The following NBEA variants were observed in gnomAD, a reference collection of about 807,000 sequenced individuals.
NBEA encodes the protein lysosomal-trafficking regulator 2.
In NBEA, 44 loss-of-function variants were observed where a neutral mutation model predicts 343.4. The observed-to-expected ratio is 0.13, with a 90% CI of 0.10 to 0.16. The LOEUF is 0.16. Among genes scored for constraint, NBEA ranks in the 10% least tolerant of loss-of-function variants. NBEA has a pLI of 1.00. For missense variants in NBEA, 2,555 were observed against 3,631.3 expected, an observed-to-expected ratio of 0.70 and a Z score of 7.62; for synonymous variants, 1,175 against 1,238.7, an observed-to-expected ratio of 0.95 and a Z score of 1.08.
In NBEA at chr13:35,645,169, A is replaced by G. The variant is rs551506992; in HGVS notation, c.7618-700A>G. 9.1e-4 allele frequency among the ~76,000 whole-genome samples: 139 copies of G among 152,328 alleles called. 2 individuals are homozygous for G. In the South Asian group the frequency reaches 0.021, roughly 23 times the overall value. On this transcript the variant is annotated intron_variant, in intron 49 of 58. Transcript: ENST00000379939. ...TGAGATTAGTGGTGGTGCTATGTCA[A>G]GAGCCATCTACCAACTCACCTGTGC... is the stretch of plus-strand genomic sequence containing the variant.
chr13:35,033,955 A>G (rs539382427), intron 1 of NBEA, among the ~76,000 whole-genome samples: 7 of 151,682 alleles, frequency 4.6e-5, no homozygotes, highest in African/African-American at 7.2e-5. Flanking sequence ...GCAAACAAGG[A>G]TAATTTGACT....
chr13:35,387,067 A>G (rs1289341847), intron 38 of NBEA, among the ~76,000 whole-genome samples: 1 of 152,128 alleles, frequency 6.6e-6, no homozygotes, highest in Non-Finnish European at 1.5e-5. Context: ...TATAAGACTA[A>G]GCTCTATCTT....
intron 2 of NBEA, 54 bp downstream of exon 2, chr13:35,041,218 T>C: frequency 1.5e-6 from 2 of 1,333,578 alleles, no homozygotes; most frequent in South Asian, 2.5e-5. Flanking sequence ...AAGTTTCACA[T>C]ACTTCTCTTT....
At chr13:35,617,300 T>C (rs945026439) in intron 48 of NBEA, among the ~76,000 whole-genome samples, 2 of 152,218 alleles carry the variant, frequency 1.3e-5, no homozygotes, top group East Asian at 3.8e-4. Context: ...AAAGGCTTTA[T>C]ACAAAATTCT....
At chr13:35,186,156 T>A (rs762935814) in intron 30 of NBEA, 4 of 152,158 alleles carry the variant, frequency 2.6e-5, no homozygotes, top group Non-Finnish European at 5.9e-5. Flanking sequence ...ATTAAAAAAT[T>A]AACCAGGCAT....
intron 41 of NBEA, chr13:35,477,246 A>G (rs2075913930): frequency 6.0e-6 from 1 of 166,408 alleles, no homozygotes; most frequent in African/African-American, 2.4e-5. Context: ...TGTTAAAATG[A>G]TTTTTTGAAA....
chr13:35,560,983 C>T (rs1048033484), intron 44 of NBEA, among the ~76,000 whole-genome samples: 6 of 152,074 alleles, frequency 3.9e-5, no homozygotes, highest in African/African-American at 1.2e-4. Flanking sequence ...TGGATTGAGC[C>T]GCAAGAAGCT....
At chr13:35,023,756 A>G (rs571243004) in intron 1 of NBEA, among the ~76,000 whole-genome samples, 10 of 152,338 alleles carry the variant, frequency 6.6e-5, no homozygotes, top group African/African-American at 1.9e-4. Flanking sequence ...TGGGCAGGTC[A>G]GATCTTGAAG....
chr13:35,322,264 A>G (rs2038207505), intron 36 of NBEA, among the ~76,000 whole-genome samples: 1 of 152,192 alleles, frequency 6.6e-6, no homozygotes, highest in Admixed American at 6.5e-5. Context: ...TGTGGGTTGC[A>G]AACACTGTGG....
intron 41 of NBEA, among the ~76,000 whole-genome samples, chr13:35,473,349 G>A (rs1251765030): frequency 6.6e-6 from 1 of 152,158 alleles, no homozygotes; most frequent in East Asian, 1.9e-4. Context: ...ATTTTGCAAA[G>A]ATCTTCCTTT....
intron 1 of NBEA, among the ~76,000 whole-genome samples, chr13:34,996,852 A>ATAT (rs1416079896): frequency 1.3e-5 from 2 of 152,162 alleles, no homozygotes; most frequent in Non-Finnish European, 2.9e-5. Context: ...ATTTAAAAAT[A>ATAT]TATGTGACGA....
At chr13:35,668,966 A>G (rs907296484) in intron 58 of NBEA, among the ~76,000 whole-genome samples, 2 of 152,218 alleles carry the variant, frequency 1.3e-5, no homozygotes, top group Non-Finnish European at 2.9e-5. Context: ...CCCTTTCAAC[A>G]GCATGCGGCA....
At chr13:35,638,569 C>T (rs935209263) in intron 49 of NBEA, among the ~76,000 whole-genome samples, 25 of 152,276 alleles carry the variant, frequency 1.6e-4, no homozygotes, top group African/African-American at 6.0e-4. Context: ...GAGCACAGGT[C>T]TATGGAGGCG....
At chr13:34,996,496 C>T (rs1254520277) in intron 1 of NBEA, among the ~76,000 whole-genome samples, 1 of 151,048 alleles carries the variant, frequency 6.6e-6, no homozygotes, top group Non-Finnish European at 1.5e-5. Flanking sequence ...ATATAATTGT[C>T]AACATGATAG....
chr13:35,319,746 A>G (rs973327653), intron 36 of NBEA, among the ~76,000 whole-genome samples: 5 of 152,122 alleles, frequency 3.3e-5, no homozygotes, highest in Non-Finnish European at 5.9e-5. Context: ...GTAAGTCTCT[A>G]AGAACTTGCT....
chr13:35,342,296 GA>G (rs2039630444), intron 36 of NBEA, among the ~76,000 whole-genome samples: 1 of 152,026 alleles, frequency 6.6e-6, no homozygotes, highest in East Asian at 1.9e-4. Flanking sequence ...ACAAGATAGT[GA>G]GTATACTAAA....
At chr13:35,515,846 T>G (rs2077466110) in intron 41 of NBEA, among the ~76,000 whole-genome samples, 1 of 152,188 alleles carries the variant, frequency 6.6e-6, no homozygotes, top group African/African-American at 2.4e-5. Context: ...TTATATCTTT[T>G]TTAATTACCT....
chr13:35,568,975 T>C (rs1386201509), intron 45 of NBEA, among the ~76,000 whole-genome samples: 1 of 152,172 alleles, frequency 6.6e-6, no homozygotes, highest in Non-Finnish European at 1.5e-5. Flanking sequence ...CTCACCTATA[T>C]AATGAGACAT....
intron 10 of NBEA, among the ~76,000 whole-genome samples, chr13:35,089,552 A>G (rs1341199778): frequency 1.3e-4 from 14 of 111,826 alleles, no homozygotes; most frequent in African/African-American, 5.2e-4. Context: ...CAGCCATCCC[A>G]TTACTGGGTA....
Sources: allele counts gnomAD v4.1 joint callset (sites outside exome capture counted in the v4.1 genomes callset), GRCh38; gene constraint gnomAD v4.1.1; transcripts MANE v1.5; gene names NCBI Gene and HGNC (gene_info 2026-07-23, HGNC 2026-07-21).